Variants in GGA2 observed in about 807,000 individuals in gnomAD.
The protein encoded by GGA2 is golgi associated, gamma adaptin ear containing, ARF binding protein 2.
A neutral mutation model predicts 79.5 loss-of-function variants in GGA2; 48 were observed. That is an observed-to-expected ratio of 0.60 (90% CI 0.48 to 0.77). The LOEUF (loss-of-function observed/expected upper bound fraction) is 0.77, where lower values mean the gene tolerates loss of function less well. GGA2 is among the 30% of genes least tolerant of loss of function. GGA2 has a pLI of 0.00. For synonymous variants in GGA2, 317 were observed against 302.0 expected (o/e 1.05, Z -0.51); for missense variants, 770 against 774.0 (o/e 0.99, Z 0.06).
At chr16:23,474,732 G>A (rs777419458) in intron 14 of GGA2, among the ~76,000 whole-genome samples, 172 bp downstream of exon 14, 9 of 152,052 alleles carry the variant, frequency 5.9e-5, no homozygotes, top group East Asian at 1.9e-4. Context: ...GATTACAGGC[G>A]TGAGTCACCA....
intron 10 of GGA2, among the ~76,000 whole-genome samples, 188 bp from the exon 11 acceptor site, chr16:23,480,075 G>C (rs1964628719): frequency 6.6e-6 from 1 of 152,194 alleles, no homozygotes; most frequent in Non-Finnish European, 1.5e-5. Context: ...ACAAGAGGGA[G>C]CCAAGGCCTG....
intron 14 of GGA2, among the ~76,000 whole-genome samples, chr16:23,471,657 C>A (rs892991219): frequency 6.6e-6 from 1 of 152,062 alleles, no homozygotes; most frequent in Non-Finnish European, 1.5e-5. Context: ...CCCAGCTACT[C>A]AGGAGGCTGA....
chr16:23,494,254 T>A, intron 3 of GGA2, 49 bp downstream of exon 3: 1 of 1,237,364 alleles, frequency 8.1e-7, no homozygotes, highest in South Asian at 1.2e-5. Flanking sequence ...CTCGGCTCTC[T>A]ATAGCACAAG....
At chr16:23,487,825 G>A (rs1246120235) in intron 6 of GGA2, among the ~76,000 whole-genome samples, 4 of 152,128 alleles carry the variant, frequency 2.6e-5, no homozygotes, top group Non-Finnish European at 5.9e-5. Flanking sequence ...CAAGGAGTGG[G>A]TACAGGGAGA....
At chr16:23,487,051 G>A (rs960984087) in intron 6 of GGA2, among the ~76,000 whole-genome samples, 10 of 142,534 alleles carry the variant, frequency 7.0e-5, no homozygotes, top group Admixed American at 6.9e-4. Context: ...GCGCAATCTC[G>A]ACTCACTGCA....
At chr16:23,470,255 A>G (rs1397797891) in intron 14 of GGA2, 90 bp from the exon 15 acceptor site, 5 of 967,072 alleles carry the variant, frequency 5.2e-6, no homozygotes, top group Non-Finnish European at 7.5e-6. Flanking sequence ...TTATCCCCAG[A>G]TGCTGTTGCT....
intron 1 of GGA2, among the ~76,000 whole-genome samples, chr16:23,496,175 T>C (rs1418675362): frequency 9.9e-5 from 15 of 151,658 alleles, no homozygotes; most frequent in Admixed American, 9.9e-4. Context: ...TGGTGATCCA[T>C]GCCTGTAATC....
chr16:23,494,955 C>A (rs1964835906), intron 2 of GGA2, among the ~76,000 whole-genome samples: 1 of 151,944 alleles, frequency 6.6e-6, no homozygotes, highest in Non-Finnish European at 1.5e-5. Flanking sequence ...CATGGAGGCA[C>A]GCGCCTGTAA....
At chr16:23,504,489 C>T (rs1224115753) in intron 1 of GGA2, among the ~76,000 whole-genome samples, 1 of 152,226 alleles carries the variant, frequency 6.6e-6, no homozygotes, top group Non-Finnish European at 1.5e-5. Context: ...GCTGGACATA[C>T]TGATAACACG....
In GGA2 at chr16:23,487,127, G is replaced by A. The variant is rs146872777; in HGVS notation, c.580-337C>T. ...CTCCCAAGTAGCTGGGACTATAGGCGCGTGCCACCATGCCCAGCTAATTTT... is the reference window on the plus strand; with the variant it reads ...CTCCCAAGTAGCTGGGACTATAGGCACGTGCCACCATGCCCAGCTAATTTT... On this transcript the variant is annotated intron_variant, in intron 6 of 16. Coordinates refer to ENST00000309859, the MANE Select transcript of GGA2 (RefSeq NM_015044.4). Among the ~76,000 whole-genome samples, 793 of 152,002 alleles carry A rather than the reference G, an allele frequency of 5.2e-3. 8 individuals carry two copies. Among genetic ancestry groups the A allele is most frequent in the Non-Finnish European group, 7.2e-3 (492 of 67,982 alleles).
At chr16:23,524,256 C>A, upstream of GGA2, 1 of 846,192 alleles carries the variant, frequency 1.2e-6, no homozygotes, top group East Asian at 2.4e-5. Flanking sequence ...TGTTTCCACT[C>A]TTAGTTCCTT....
intron 2 of GGA2, among the ~76,000 whole-genome samples, chr16:23,518,994 A>T (rs891434163): frequency 4.0e-5 from 6 of 151,644 alleles, no homozygotes; most frequent in Admixed American, 6.6e-5. Flanking sequence ...TATGAATGGG[A>T]TTCCAAATTT....
At chr16:23,519,711 C>T (rs1965124520) in intron 1 of GGA2, 2 of 292,074 alleles carry the variant, frequency 6.8e-6, no homozygotes, top group Non-Finnish European at 1.4e-5. Context: ...CTCAGAGGGC[C>T]GAGTGGCTGC....
At chr16:23,487,054 T>G (rs1964724384) in intron 6 of GGA2, among the ~76,000 whole-genome samples, 1 of 147,608 alleles carries the variant, frequency 6.8e-6, no homozygotes, top group Admixed American at 6.9e-5. Context: ...CAATCTCGAC[T>G]CACTGCAACC....
At chr16:23,491,907 G>A (rs535485303) in intron 4 of GGA2, 107 bp from the exon 5 acceptor site, 24 of 715,680 alleles carry the variant, frequency 3.4e-5, no homozygotes, top group African/African-American at 1.2e-4. Context: ...GCTCCCAGGC[G>A]CGGTATGAGT....
chr16:23,493,381 C>A lies in GGA2; in HGVS notation c.330G>T (p.Leu110=), dbSNP rs887363360. Residue 110 remains leucine, a synonymous_variant, in exon 4 of 17, where the codon CTG becomes CTT. Coordinates refer to ENST00000309859, the MANE Select transcript of GGA2 (RefSeq NM_015044.4). ...EVAKFRFLNE[L]IKVLSPKYLG... ...TCACCTTTGGGGACAACACTTTGAT[C>A]AGTTCGTTCAGGAAACGAAATTTGG... 1 of 1,604,042 alleles carries A rather than the reference C, an allele frequency of 6.2e-7. No individual in the cohort carries two copies. The highest frequency in any genetic ancestry group is 8.5e-7 in the Non-Finnish European group (1 of 1,170,814).
chr16:23,479,718 T>G, intron 11 of GGA2, 47 bp downstream of exon 11: 1 of 1,609,046 alleles, frequency 6.2e-7, no homozygotes, highest in Non-Finnish European at 8.5e-7. Flanking sequence ...CTCACTCCCC[T>G]ACTCGCACCC....
At chr16:23,510,213 G>A in intron 1 of GGA2, 108 bp downstream of exon 1, 2 of 601,522 alleles carry the variant, frequency 3.3e-6, no homozygotes, top group South Asian at 4.1e-5. Flanking sequence ...CTACCCGGCC[G>A]CCGGCCTCCC....
At position 23,495,768 on chromosome 16, in the gene GGA2, T is replaced by C. The variant is rs1466301669; in HGVS notation, c.102A>G (p.Thr34=). The C allele has an allele frequency of 1.9e-6, 3 of 1,609,852 alleles. No individual in the cohort carries two copies. Among genetic ancestry groups the C allele is most frequent in the Non-Finnish European group, 2.6e-6 (3 of 1,176,462 alleles). Residue 34 remains threonine (T), a synonymous_variant, in exon 2 of 17, where the codon ACA becomes ACG. Coordinates refer to ENST00000309859, the MANE Select transcript of GGA2 (RefSeq NM_015044.4). ...ASLELWLNKA[T]DPSMSEQDWS... ...AATCCTGTTCCGACATGCTTGGGTC[T>C]GTGGCTTTGTCTGTCAAATAAATAA...
Sources: gnomAD v4.1 joint callset for allele counts (sites outside exome capture counted in the v4.1 genomes callset) on GRCh38, gnomAD v4.1.1 for gene constraint, MANE v1.5 for transcripts, NCBI Gene and HGNC (gene_info 2026-07-23, HGNC 2026-07-21) for gene names.